Variants in GULP1 observed in about 807,000 individuals in gnomAD.
GULP1 encodes the protein PTB domain-containing engulfment adapter protein 1.
GULP1 carries 19 observed loss-of-function variants against 40.9 expected under a neutral mutation model. That is an observed-to-expected ratio of 0.46 (90% CI 0.32 to 0.68). The LOEUF (loss-of-function observed/expected upper bound fraction) is 0.68. Ranked by LOEUF, GULP1 falls within the 30% of genes least tolerant of loss-of-function variation. The pLI is 0.03. For synonymous variants in GULP1, 119 were observed against 117.6 expected (o/e 1.01, Z -0.08); for missense variants, 312 against 362.2 (o/e 0.86, Z 1.12).
chr2:188,380,811 C>T lies in GULP1; in HGVS notation c.-171-2952C>T, dbSNP rs73038426. ...AAGTTGGCCTGACTTCTCTGTTTTGCTTGGTTTATTGCATATAGAATATTT... is the reference window on the plus strand; with the variant it reads ...AAGTTGGCCTGACTTCTCTGTTTTGTTTGGTTTATTGCATATAGAATATTT... On this transcript the variant is annotated intron_variant, in intron 1 of 11. Transcript: ENST00000409830. Among the ~76,000 whole-genome samples, 414 of 152,166 alleles carry T rather than the reference C, an allele frequency of 2.7e-3. 2 individuals are homozygous for T. The highest frequency in any genetic ancestry group is 9.4e-3 in the African/African-American group (389 of 41,540).
chr2:188,543,604 A>C (rs1360623107), intron 7 of GULP1, among the ~76,000 whole-genome samples: 1 of 152,150 alleles, frequency 6.6e-6, no homozygotes, highest in African/African-American at 2.4e-5. Flanking sequence ...TTTAGCATAG[A>C]GTGTTAAAAT....
At chr2:188,360,870 A>C (rs1340268537) in intron 1 of GULP1, among the ~76,000 whole-genome samples, 1 of 152,088 alleles carries the variant, frequency 6.6e-6, no homozygotes, top group Non-Finnish European at 1.5e-5. Context: ...CCCAAATAAC[A>C]GTCTTGATTT....
intron 2 of GULP1, among the ~76,000 whole-genome samples, chr2:188,462,083 C>T (rs753193084): frequency 2.0e-5 from 3 of 151,966 alleles, no homozygotes; most frequent in Admixed American, 6.6e-5. Context: ...CTTCCCTCTT[C>T]GTACTGCTTT....
At chr2:188,319,515 A>G (rs1237249614) in intron 1 of GULP1, among the ~76,000 whole-genome samples, 3 of 152,160 alleles carry the variant, frequency 2.0e-5, no homozygotes. Context: ...ACTGAAGGTC[A>G]CCCTTTATTA....
chr2:188,518,549 T>A (rs1281199309), intron 4 of GULP1, among the ~76,000 whole-genome samples: 1 of 152,070 alleles, frequency 6.6e-6, no homozygotes, highest in East Asian at 1.9e-4. Context: ...TGCTTCTAGC[T>A]CTCAATACTG....
intron 9 of GULP1, among the ~76,000 whole-genome samples, chr2:188,583,680 AC>A (rs1384516969): frequency 6.6e-6 from 1 of 152,196 alleles, no homozygotes; most frequent in African/African-American, 2.4e-5. Context: ...GCTATTTATT[AC>A]AGAAAACTTG....
chr2:188,463,340 C>T (rs1285156786), intron 2 of GULP1, among the ~76,000 whole-genome samples: 1 of 152,048 alleles, frequency 6.6e-6, no homozygotes, highest in Non-Finnish European at 1.5e-5. Flanking sequence ...TCATGCCATG[C>T]TCTCCTGGCC....
chr2:188,571,474 G>T (rs1360382175), intron 9 of GULP1, among the ~76,000 whole-genome samples: 1 of 152,144 alleles, frequency 6.6e-6, no homozygotes, highest in Non-Finnish European at 1.5e-5. Flanking sequence ...GATGGTTTGT[G>T]CCAGTAGGGC....
rs572846748 is a variant in GULP1 at position 188,308,476 on chromosome 2, G to T, written c.-172+16310G>T. 1.3e-4 allele frequency among the ~76,000 whole-genome samples: 20 copies of T among 152,174 alleles called. 1 individual carries two copies. In the South Asian group the frequency reaches 4.2e-3, roughly 32 times the overall value. The stretch of plus-strand genomic sequence containing the variant: ...TAAAATTTGAAAAACAAATATATGA[G>T]TGTGTGTTTGTGTGAGAGAACAAAC... On this transcript the variant is annotated intron_variant, in intron 1 of 11. Coordinates refer to ENST00000409830, the MANE Select transcript of GULP1 (RefSeq NM_016315.4).
At chr2:188,541,971 G>A (rs1367002275) in intron 7 of GULP1, 3 of 152,760 alleles carry the variant, frequency 2.0e-5, no homozygotes, top group Non-Finnish European at 4.4e-5. Context: ...AGCTGGGTGT[G>A]GTGGTGTGTG....
intron 1 of GULP1, among the ~76,000 whole-genome samples, chr2:188,318,150 G>A (rs913174735): frequency 3.3e-5 from 5 of 152,158 alleles, no homozygotes; most frequent in African/African-American, 4.8e-5. Context: ...GATCTAGAAA[G>A]TGCAGTTATT....
At chr2:188,525,362 G>A (rs1441653184) in intron 5 of GULP1, among the ~76,000 whole-genome samples, 3 of 152,042 alleles carry the variant, frequency 2.0e-5, no homozygotes, top group African/African-American at 2.4e-5. Context: ...TTGCACTCCA[G>A]CCTGGGCAAC....
intron 1 of GULP1, among the ~76,000 whole-genome samples, chr2:188,356,618 T>A (rs1306404938): frequency 6.6e-6 from 1 of 152,090 alleles, no homozygotes; most frequent in African/African-American, 2.4e-5. Context: ...CTATTCACAA[T>A]GATCTGCAGA....
At chr2:188,497,814 T>C (rs2063049045) in intron 4 of GULP1, among the ~76,000 whole-genome samples, 1 of 151,822 alleles carries the variant, frequency 6.6e-6, no homozygotes, top group East Asian at 2.0e-4. Context: ...TGTTATGGTA[T>C]ACAAAAGAAT....
chr2:188,532,626 T>C (rs1043965119), intron 6 of GULP1, among the ~76,000 whole-genome samples: 1 of 151,926 alleles, frequency 6.6e-6, no homozygotes, highest in Non-Finnish European at 1.5e-5. Flanking sequence ...CAATGAAAGA[T>C]ATGTGAACTG....
At chr2:188,378,649 AAG>A (rs2048612582) in intron 1 of GULP1, among the ~76,000 whole-genome samples, 1 of 152,170 alleles carries the variant, frequency 6.6e-6, no homozygotes, top group East Asian at 1.9e-4. Flanking sequence ...GAAGAGGCAA[AAG>A]AGAGAGGGGA....
intron 7 of GULP1, among the ~76,000 whole-genome samples, chr2:188,565,236 A>G (rs1033415747): frequency 2.6e-5 from 4 of 152,016 alleles, no homozygotes; most frequent in African/African-American, 7.2e-5. Context: ...CTGTTAATCT[A>G]TAAACACTAT....
intron 1 of GULP1, among the ~76,000 whole-genome samples, chr2:188,324,927 A>G (rs2040534587): frequency 6.6e-6 from 1 of 152,024 alleles, no homozygotes; most frequent in Non-Finnish European, 1.5e-5. Context: ...GGTATAATGT[A>G]TTCAAGCACT....
At position 188,594,041 on chromosome 2, in the gene GULP1, TA is replaced by T; in HGVS notation, c.*33del. ...AAGAACAAGAAATCCTGATTCATGT[TA>T]AATGTGTTTGTATACACATGTCATT... On this transcript the variant is annotated 3_prime_UTR_variant, in exon 12 of 12. Coordinates refer to ENST00000409830, the MANE Select transcript of GULP1 (RefSeq NM_016315.4). The T allele has an allele frequency of 8.2e-7, 1 of 1,223,222 alleles. No homozygotes were observed. Among genetic ancestry groups the T allele is most frequent in the Non-Finnish European group, 1.2e-6 (1 of 825,650 alleles). The allele number at this position is 1,223,222 out of a possible 1,614,324, so 75.8% of individuals were successfully genotyped here. A position where few individuals can be genotyped will look rare whatever the true frequency, so the allele number is the denominator to read the frequency against.
Sources: allele counts gnomAD v4.1 joint callset (sites outside exome capture counted in the v4.1 genomes callset), GRCh38; gene constraint gnomAD v4.1.1; transcripts MANE v1.5; gene names NCBI Gene and HGNC (gene_info 2026-07-23, HGNC 2026-07-21).